The following GRM4 variants were observed in gnomAD, a reference collection of about 807,000 sequenced individuals.
The protein encoded by GRM4 is metabotropic glutamate receptor 4.
In GRM4, 28 loss-of-function variants were observed where a neutral mutation model predicts 81.7. The ratio of observed to expected loss-of-function variants is 0.34; its 90% CI spans 0.25 to 0.47. The LOEUF is 0.47. Among genes scored for constraint, GRM4 ranks in the 20% least tolerant of loss-of-function variants. GRM4 has a pLI of 1.00. For synonymous variants in GRM4, 488 were observed against 528.8 expected (o/e 0.92, Z 1.06); for missense variants, 948 against 1,290.0 (o/e 0.73, Z 4.06).
chr6:34,036,501 G>A lies in GRM4; in HGVS notation c.1609C>T (p.Pro537Ser). 1 of 1,612,578 alleles carries A rather than the reference G, an allele frequency of 6.2e-7. No homozygotes were observed. The highest frequency in any genetic ancestry group is 8.5e-7 in the Non-Finnish European group (1 of 1,179,280). ...GERKKTVKGMPCCWHCEPCTG... is the reference protein window; with the variant it reads ...GERKKTVKGMSCCWHCEPCTG... Reference sequence around the variant, plus strand: ...CAAGGCTCGCAGTGCCAGCAGCAAGGCATGCCCTTCACTGTCTTCTTCCGC... The same window carrying A: ...CAAGGCTCGCAGTGCCAGCAGCAAGACATGCCCTTCACTGTCTTCTTCCGC... The change falls in exon 9 of 11, where the codon CCT becomes TCT. Residue 537 changes from proline (P) to serine (S), a missense_variant. Transcript: ENST00000538487. The surrounding 1 kb of genome is among the most constrained non-coding windows in gnomAD (Gnocchi z 9.0).
At chr6:34,105,022 G>A (rs151303125) in intron 2 of GRM4, among the ~76,000 whole-genome samples, 34 of 152,284 alleles carry the variant, frequency 2.2e-4, no homozygotes, top group African/African-American at 7.5e-4. Flanking sequence ...GCAGTGGGGC[G>A]TGGCCAGGCC....
intron 3 of GRM4, among the ~76,000 whole-genome samples, chr6:34,082,573 G>A (rs1025977152): frequency 1.6e-4 from 25 of 152,182 alleles, no homozygotes; most frequent in Non-Finnish European, 3.5e-4. Flanking sequence ...TCACACAGCC[G>A]CCCAGGGACA....
intron 3 of GRM4, among the ~76,000 whole-genome samples, chr6:34,075,756 T>C (rs979630541): frequency 3.3e-5 from 5 of 152,266 alleles, no homozygotes; most frequent in African/African-American, 1.2e-4. Flanking sequence ...GGCACATTAG[T>C]GCTCAGGAAG....
intron 1 of GRM4, among the ~76,000 whole-genome samples, chr6:34,134,897 T>G (rs1402980003): frequency 6.6e-6 from 1 of 151,856 alleles, no homozygotes; most frequent in Non-Finnish European, 1.5e-5. Context: ...TGGGCTAATT[T>G]CCCCCCGGGG....
rs1385446410 is a variant in GRM4, at chr6:34,133,655, C to G, written c.-159G>C. ...CCATGCTGCTACCCTCTCCCACCTC[C>G]TTGTCACTCGGGCCAAGCACAGTTG... On this transcript the variant is annotated 5_prime_UTR_variant, in exon 2 of 11. Coordinates refer to ENST00000538487, the MANE Select transcript of GRM4 (RefSeq NM_000841.4). The surrounding 1 kb of genome is among the most constrained non-coding windows in gnomAD (Gnocchi z 6.5). 7.0e-7 allele frequency: 1 copy of G among 1,418,960 alleles called. No individual in the cohort carries two copies. The highest frequency in any genetic ancestry group is 2.5e-5 in the East Asian group (1 of 39,520). 87.9% of individuals were successfully genotyped at this position (1,418,960 alleles called of 1,614,324 possible). A position where few individuals can be genotyped will look rare whatever the true frequency, so the allele number is the denominator to read the frequency against.
chr6:34,033,415 G>C (rs3778054), intron 9 of GRM4, among the ~76,000 whole-genome samples: 2,419 of 152,040 alleles, frequency 0.016, 21 homozygotes, highest in East Asian at 0.023. Context: ...GGGATGGGGG[G>C]GTGCTCCTAA....
At chr6:34,104,874 G>T (rs376118961) in intron 2 of GRM4, among the ~76,000 whole-genome samples, 2 of 152,140 alleles carry the variant, frequency 1.3e-5, no homozygotes, top group Non-Finnish European at 2.9e-5. Flanking sequence ...CCAAAAGCCC[G>T]TTCTGCAAAA....
At chr6:34,106,919 G>A (rs1255760535) in intron 2 of GRM4, among the ~76,000 whole-genome samples, 1 of 152,236 alleles carries the variant, frequency 6.6e-6, no homozygotes, top group African/African-American at 2.4e-5. Flanking sequence ...TCTGTTGGGG[G>A]AAACTTTCTC....
Position 34,112,158 on chromosome 6 carries a change from C to A in GRM4, c.520-20059G>T, listed in dbSNP as rs145146296. Among the ~76,000 whole-genome samples, 573 of 152,272 alleles carry A rather than the reference C, an allele frequency of 3.8e-3. 6 individuals carry two copies. The highest frequency in any genetic ancestry group is 0.013 in the African/African-American group (539 of 41,540). On this transcript the variant is annotated intron_variant, in intron 2 of 10. Transcript: ENST00000538487. ...AATGAGAAACCAGATTGAAATTAAT[C>A]AAACTTCTCCCTGTCCATCCCCCCA...
At chr6:34,132,745 T>A (rs1770293276) in intron 2 of GRM4, among the ~76,000 whole-genome samples, 1 of 152,340 alleles carries the variant, frequency 6.6e-6, no homozygotes, top group South Asian at 2.1e-4. Flanking sequence ...GCCACAAGGC[T>A]GGGTCCCGAT....
intron 2 of GRM4, among the ~76,000 whole-genome samples, chr6:34,129,883 C>A (rs74809406): frequency 6.6e-6 from 1 of 152,210 alleles, no homozygotes. Context: ...AGTGCCCCCA[C>A]ACCCAGGGCT....
intron 2 of GRM4, among the ~76,000 whole-genome samples, chr6:34,105,478 G>A (rs557519528): frequency 4.7e-4 from 72 of 152,270 alleles, no homozygotes; most frequent in African/African-American, 1.6e-3. Context: ...TTCCTCGCTT[G>A]GTGGTCCCGC....
chr6:34,151,656 G>A (rs1771048615), intron 1 of GRM4, among the ~76,000 whole-genome samples: 1 of 152,094 alleles, frequency 6.6e-6, no homozygotes, highest in South Asian at 2.1e-4. Flanking sequence ...TGCCCTGGGA[G>A]GCCAGTGTCC....
At chr6:34,052,539 C>A (rs1765667545) in intron 6 of GRM4, among the ~76,000 whole-genome samples, 1 of 152,214 alleles carries the variant, frequency 6.6e-6, no homozygotes, top group Non-Finnish European at 1.5e-5. Flanking sequence ...GTGGCACTTG[C>A]TCTCCGTGAG....
chr6:34,153,012 ATT>A (rs1277365652), intron 1 of GRM4, among the ~76,000 whole-genome samples: 1 of 152,116 alleles, frequency 6.6e-6, no homozygotes, highest in East Asian at 1.9e-4. Context: ...CAGTGCAATG[ATT>A]CCACTCCACA....
intron 2 of GRM4, among the ~76,000 whole-genome samples, chr6:34,108,282 T>C (rs1350438571): frequency 1.3e-5 from 2 of 152,260 alleles, no homozygotes; most frequent in African/African-American, 4.8e-5. Flanking sequence ...ACAGCCGCTA[T>C]AATAAGAGTT....
intron 2 of GRM4, among the ~76,000 whole-genome samples, chr6:34,098,277 G>C (rs1217661711): frequency 6.6e-6 from 1 of 152,226 alleles, no homozygotes; most frequent in African/African-American, 2.4e-5. Flanking sequence ...CTGAGGCTTG[G>C]AGAGATGATA....
chr6:34,041,593 T>A (rs1765023707), intron 6 of GRM4, among the ~76,000 whole-genome samples: 1 of 152,166 alleles, frequency 6.6e-6, no homozygotes, highest in Admixed American at 6.5e-5. Flanking sequence ...AAGGGGATCA[T>A]GATCCCACCT....
rs1325271703 is a variant in GRM4, at chr6:34,133,063, G to A, written c.434C>T (p.Thr145Ile). 10 of 1,613,866 alleles carry A rather than the reference G, an allele frequency of 6.2e-6. No individual in the cohort carries two copies. Among genetic ancestry groups the A allele is most frequent in the African/African-American group, 1.3e-5 (1 of 75,052 alleles). ...GACACCCACCACACGTTCAGGCTTG[G>A]TGATGATGGGTGGGCCGCCACTGCC... The part of the protein sequence containing the change: ...RCGSGGPPII[T>I]KPERVVGVIG... Residue 145 changes from threonine (T) to isoleucine (I), a missense_variant, in exon 2 of 11, where the codon ACC (threonine) becomes ATC (isoleucine). By Grantham distance (89) the Thr-to-Ile change is moderately conservative (BLOSUM62 -1). Coordinates refer to ENST00000538487, the MANE Select transcript of GRM4 (RefSeq NM_000841.4). This position sits in a 1 kb window ranked among gnomAD's most constrained non-coding sequence, Gnocchi z 6.5.
Sources: gnomAD v4.1 joint callset for allele counts (sites outside exome capture counted in the v4.1 genomes callset) on GRCh38, gnomAD v4.1.1 for gene constraint, Gnocchi (gnomAD v3.1) non-coding constraint, MANE v1.5 for transcripts, NCBI Gene and HGNC (gene_info 2026-07-23, HGNC 2026-07-21) for gene names.